Variants in TARP observed in about 807,000 individuals in gnomAD.
chr7:38,266,292 A>G, the TARP span, among the ~76,000 whole-genome samples: 1 of 150,764 alleles, frequency 6.6e-6, no homozygotes, highest in African/African-American at 2.4e-5. Flanking sequence ...CTTATTTCCC[A>G]TATGAATCAA....
the TARP span, among the ~76,000 whole-genome samples, chr7:38,263,952 C>A: frequency 0.21 from 29,136 of 139,682 alleles, 1 homozygote; most frequent in African/African-American, 0.38. Context: ...TTATTTTCCT[C>A]ATGGTGACTT....
the TARP span, among the ~76,000 whole-genome samples, chr7:38,261,529 A>G: frequency 0.12 from 17,972 of 151,284 alleles, 1,494 homozygotes; most frequent in African/African-American, 0.23. Context: ...ACTAAAACAA[A>G]ACAACTCGAG....
At chr7:38,263,546 A>C in the TARP span, among the ~76,000 whole-genome samples, 1 of 151,838 alleles carries the variant, frequency 6.6e-6, no homozygotes, top group African/African-American at 2.4e-5. Context: ...CTCAGATTTC[A>C]GTGCAATTCT....
the TARP span, among the ~76,000 whole-genome samples, chr7:38,270,423 T>C: frequency 1.3e-5 from 2 of 151,324 alleles, no homozygotes; most frequent in Non-Finnish European, 2.9e-5. Flanking sequence ...TTACCTACCG[T>C]GTTAAGAAAG....
At chr7:38,268,652 A>C in the TARP span, among the ~76,000 whole-genome samples, 1 of 151,558 alleles carries the variant, frequency 6.6e-6, no homozygotes, top group African/African-American at 2.4e-5. Flanking sequence ...AGTAAAGCAC[A>C]TAGAACAACA....
the TARP span, among the ~76,000 whole-genome samples, chr7:38,261,986 C>T: frequency 6.6e-6 from 1 of 151,158 alleles, no homozygotes; most frequent in African/African-American, 2.4e-5. Flanking sequence ...AATTTACAGT[C>T]ATCTCATACC....
the TARP span, among the ~76,000 whole-genome samples, chr7:38,269,887 C>T: frequency 2.6e-5 from 4 of 151,894 alleles, no homozygotes; most frequent in South Asian, 2.1e-4. Flanking sequence ...ATTGCTTGAG[C>T]TCAGAATTTT....
At chr7:38,262,304 G>A in the TARP span, 1 of 1,005,046 alleles carries the variant, frequency 9.9e-7, no homozygotes, top group East Asian at 2.4e-5. Flanking sequence ...TCGACAGAGA[G>A]GCAGGAGGAC....
At chr7:38,265,091 TA>T in the TARP span, among the ~76,000 whole-genome samples, 1 of 151,318 alleles carries the variant, frequency 6.6e-6, no homozygotes, top group South Asian at 2.1e-4. Context: ...CTAACAACCC[TA>T]AAAACCAGCA....
chr7:38,261,761 AC>A, the TARP span, among the ~76,000 whole-genome samples: 1 of 150,064 alleles, frequency 6.7e-6, no homozygotes. Flanking sequence ...AGTCCCAGCT[AC>A]TCGAGAAGCT....
the TARP span, among the ~76,000 whole-genome samples, chr7:38,266,452 A>G: frequency 8.1e-4 from 123 of 151,832 alleles, no homozygotes; most frequent in African/African-American, 2.6e-3. Context: ...GACTACAGGT[A>G]TGCATCACCA....
At chr7:38,266,784 G>C in the TARP span, among the ~76,000 whole-genome samples, 1 of 151,534 alleles carries the variant, frequency 6.6e-6, no homozygotes, top group Admixed American at 6.6e-5. Flanking sequence ...TCCAAGTTTT[G>C]GGATGCAGCA....
the TARP span, among the ~76,000 whole-genome samples, chr7:38,266,877 A>AT: frequency 1.3e-5 from 2 of 151,402 alleles, no homozygotes; most frequent in African/African-American, 4.9e-5. Flanking sequence ...TCTTATTTAA[A>AT]TTTTTTCTTG....
the TARP span, among the ~76,000 whole-genome samples, chr7:38,266,034 A>T: frequency 6.6e-6 from 1 of 150,960 alleles, no homozygotes; most frequent in Non-Finnish European, 1.5e-5. Flanking sequence ...TTATTTTTTA[A>T]TCTCTTTTGT....
At chr7:38,269,951 G>A in the TARP span, among the ~76,000 whole-genome samples, 495 of 151,718 alleles carry the variant, frequency 3.3e-3, no homozygotes, top group Non-Finnish European at 5.2e-3. Context: ...AATACAAAAA[G>A]CATTAGCTGA....
the TARP span, among the ~76,000 whole-genome samples, chr7:38,261,829 G>A: frequency 7.2e-6 from 1 of 138,728 alleles, no homozygotes; most frequent in Non-Finnish European, 1.5e-5. Flanking sequence ...CTGAGATACT[G>A]CCACCGCACT....
chr7:38,263,752 T>A, the TARP span, among the ~76,000 whole-genome samples: 2 of 151,984 alleles, frequency 1.3e-5, no homozygotes, highest in African/African-American at 4.8e-5. Flanking sequence ...AGTAGATGTG[T>A]TCTTGTCTAT....
At chr7:38,267,782 T>A in the TARP span, among the ~76,000 whole-genome samples, 5 of 151,420 alleles carry the variant, frequency 3.3e-5, no homozygotes, top group Non-Finnish European at 7.4e-5. Flanking sequence ...TATATAATTG[T>A]AGTCTCTAGT....
the TARP span, among the ~76,000 whole-genome samples, chr7:38,271,220 C>T: frequency 1.3e-4 from 19 of 151,388 alleles, no homozygotes; most frequent in African/African-American, 3.4e-4. Flanking sequence ...TTCTCCTTTG[C>T]CCCCAGGAGT....
Sources: allele counts gnomAD v4.1 joint callset (sites outside exome capture counted in the v4.1 genomes callset), GRCh38; gene constraint gnomAD v4.1.1; transcripts MANE v1.5.